The following USH2A variants were observed in gnomAD, a reference collection of about 807,000 sequenced individuals.
USH2A encodes usherin.
Under a neutral mutation model 538.9 loss-of-function variants are expected in USH2A, and 443 were observed. The observed-to-expected ratio is 0.82, with a 90% CI of 0.76 to 0.89. USH2A has a LOEUF of 0.89. Ranked by LOEUF, USH2A falls within the 40% of genes least tolerant of loss-of-function variation. The pLI is 0.00. For missense variants in USH2A, 6,633 were observed against 6,324.8 expected, an observed-to-expected ratio of 1.05 and a Z score of -1.65; for synonymous variants, 2,413 against 2,273.5, an observed-to-expected ratio of 1.06 and a Z score of -1.75.
At chr1:215,940,090 C>T (rs892068527) in intron 37 of USH2A, among the ~76,000 whole-genome samples, 6 of 152,098 alleles carry the variant, frequency 3.9e-5, no homozygotes, top group Non-Finnish European at 7.4e-5. Context: ...ACAAACCAAA[C>T]TGATTCTTGT....
intron 49 of USH2A, 149 bp from the exon 50 acceptor site, chr1:215,799,274 C>A (rs1282718821): frequency 1.1e-6 from 1 of 891,480 alleles, no homozygotes; most frequent in African/African-American, 1.7e-5. Flanking sequence ...TGCAAAATTT[C>A]CAAATGACTC....
chr1:216,230,129 G>A (rs926312108), intron 14 of USH2A, among the ~76,000 whole-genome samples: 2 of 152,094 alleles, frequency 1.3e-5, no homozygotes, highest in African/African-American at 4.8e-5. Flanking sequence ...GAGGACAGTG[G>A]GTTGGGGAAG....
At chr1:215,921,082 C>T (rs1439595590) in intron 38 of USH2A, among the ~76,000 whole-genome samples, 1 of 151,988 alleles carries the variant, frequency 6.6e-6, no homozygotes, top group Non-Finnish European at 1.5e-5. Context: ...AGTTTTCTTG[C>T]TCTCTTTTAA....
chr1:216,341,518 CAA>C (rs2038075888), intron 4 of USH2A, among the ~76,000 whole-genome samples: 1 of 151,746 alleles, frequency 6.6e-6, no homozygotes, highest in Non-Finnish European at 1.5e-5. Flanking sequence ...ATGGAAATAA[CAA>C]AGAGTCCATA....
intron 37 of USH2A, among the ~76,000 whole-genome samples, chr1:215,941,155 C>A (rs541258817): frequency 1.3e-5 from 2 of 151,846 alleles, no homozygotes; most frequent in Non-Finnish European, 2.9e-5. Flanking sequence ...AAAGGATAGA[C>A]AAAAATCTCT....
At chr1:215,885,430 A>G (rs1393911588) in intron 41 of USH2A, among the ~76,000 whole-genome samples, 1 of 152,210 alleles carries the variant, frequency 6.6e-6, no homozygotes, top group Non-Finnish European at 1.5e-5. Context: ...AAATTAGTCT[A>G]TAGTTTCATT....
At chr1:216,336,398 G>C (rs2037975307) in intron 4 of USH2A, among the ~76,000 whole-genome samples, 1 of 151,074 alleles carries the variant, frequency 6.6e-6, no homozygotes, top group Admixed American at 6.6e-5. Context: ...GTAGTTACCA[G>C]ACAGGGCAAA....
At chr1:216,323,270 T>C (rs1468593051) in intron 8 of USH2A, among the ~76,000 whole-genome samples, 2 of 108,928 alleles carry the variant, frequency 1.8e-5, no homozygotes, top group East Asian at 4.7e-4. Flanking sequence ...ATTTATAAAA[T>C]ACGTTTTATA....
intron 37 of USH2A, among the ~76,000 whole-genome samples, chr1:215,949,270 A>C (rs1376790071): frequency 6.6e-6 from 1 of 152,094 alleles, no homozygotes; most frequent in Admixed American, 6.6e-5. Flanking sequence ...AAAATAACAA[A>C]ACTTTAATGG....
chr1:216,157,372 G>A (rs528203268), intron 21 of USH2A, among the ~76,000 whole-genome samples: 2 of 152,290 alleles, frequency 1.3e-5, no homozygotes, highest in Admixed American at 6.5e-5. Context: ...ATGCACGATT[G>A]GTGGAAATGT....
chr1:216,274,118 C>G (rs897525678), intron 11 of USH2A, among the ~76,000 whole-genome samples: 9 of 152,088 alleles, frequency 5.9e-5, no homozygotes, highest in Non-Finnish European at 1.3e-4. Flanking sequence ...TACTCTGCCA[C>G]TGCACCAAGT....
chr1:215,957,255 C>A (rs1400362086), intron 37 of USH2A, among the ~76,000 whole-genome samples: 1 of 151,980 alleles, frequency 6.6e-6, no homozygotes, highest in Non-Finnish European at 1.5e-5. Flanking sequence ...GTTTTTATTC[C>A]TAATATCTTT....
chr1:215,944,425 A>G (rs1331509160), intron 37 of USH2A, among the ~76,000 whole-genome samples: 1 of 152,166 alleles, frequency 6.6e-6, no homozygotes, highest in Non-Finnish European at 1.5e-5. Flanking sequence ...GATTCTCTTG[A>G]GTAAATATTT....
At chr1:215,837,928 G>T in intron 47 of USH2A, 63 bp downstream of exon 47, 1 of 1,332,936 alleles carries the variant, frequency 7.5e-7, no homozygotes, top group Non-Finnish European at 1.1e-6. Context: ...GGATACCTTT[G>T]ATTTTTATTT....
chr1:216,093,942 A>G (rs1256782283), intron 22 of USH2A, among the ~76,000 whole-genome samples: 1 of 152,236 alleles, frequency 6.6e-6, no homozygotes, highest in East Asian at 1.9e-4. Flanking sequence ...CACTTCATCT[A>G]AAGCAGGGAT....
At chr1:215,658,734 T>C (rs1657346930) in intron 64 of USH2A, among the ~76,000 whole-genome samples, 1 of 152,244 alleles carries the variant, frequency 6.6e-6, no homozygotes, top group Admixed American at 6.5e-5. Flanking sequence ...TTATCATGCT[T>C]TCAGCAATAT....
rs1356741210 is a variant in USH2A, at chr1:216,095,696, A to C, written c.4758+1387T>G. Among the ~76,000 whole-genome samples, 3 of 152,136 alleles carry C rather than the reference A, an allele frequency of 2.0e-5. No homozygotes were observed. The East Asian group carries it at 5.8e-4, about 29-fold the overall frequency. Reference sequence around the variant, plus strand: ...TCTGTCCCTGGTCCTTCGAGTGGCCACTGTGCGGCTCTCCCAGCTTCATAA... The same window carrying C: ...TCTGTCCCTGGTCCTTCGAGTGGCCCCTGTGCGGCTCTCCCAGCTTCATAA... On this transcript the variant is annotated intron_variant, in intron 22 of 71. Coordinates refer to ENST00000307340, the MANE Select transcript of USH2A (RefSeq NM_206933.4).
intron 3 of USH2A, among the ~76,000 whole-genome samples, chr1:216,411,775 A>G (rs573721169): frequency 1.6e-3 from 238 of 152,294 alleles, no homozygotes; most frequent in Non-Finnish European, 2.6e-3. Context: ...CAGAAAGAGC[A>G]TGGCCCTTCT....
At chr1:215,972,491 C>A (rs1300213941) in intron 35 of USH2A, among the ~76,000 whole-genome samples, 1 of 152,140 alleles carries the variant, frequency 6.6e-6, no homozygotes, top group Non-Finnish European at 1.5e-5. Context: ...CCCTTTTGTT[C>A]TTCCAGCCCT....
Sources: gnomAD v4.1 joint callset for allele counts (sites outside exome capture counted in the v4.1 genomes callset) on GRCh38, gnomAD v4.1.1 for gene constraint, MANE v1.5 for transcripts, NCBI Gene and HGNC (gene_info 2026-07-23, HGNC 2026-07-21) for gene names.